Variants in NIF3L1 observed in about 807,000 individuals in gnomAD.
NIF3L1 encodes NGG1 interacting factor 3 like 1.
Under a neutral mutation model 35.0 loss-of-function variants are expected in NIF3L1, and 26 were observed. That is an observed-to-expected ratio of 0.74 (90% CI 0.54 to 1.03). The LOEUF is 1.03. NIF3L1 is among the 50% of genes least tolerant of loss of function. The probability of loss-of-function intolerance (pLI) is 0.00; values close to 1 mark genes in which losing one functional copy is unlikely to be tolerated. For synonymous variants in NIF3L1, 157 were observed against 178.9 expected, an observed-to-expected ratio of 0.88 and a Z score of 0.98; for missense variants, 449 against 466.3, an observed-to-expected ratio of 0.96 and a Z score of 0.34.
rs1157575276 is a variant in NIF3L1 at position 200,897,154 on chromosome 2, A to G, written c.805A>G (p.Ile269Val). ...SVSLATMIDRIKRHLKLSHIR... is the reference protein window; with the variant it reads ...SVSLATMIDRVKRHLKLSHIR... ...CTCCCTGGCAACCATGATTGATCGA[A>G]TAAAAAGACACCTAAAACTATCTCA... The change falls in exon 5 of 7, where the codon ATA becomes GTA. Residue 269 changes from isoleucine (I) to valine (V), a missense_variant. By Grantham distance (29) the Ile-to-Val change is conservative. Coordinates refer to ENST00000409020, the MANE Select transcript of NIF3L1 (RefSeq NM_001369441.2). 6.2e-7 allele frequency: 1 copy of G among 1,614,080 alleles called. No homozygotes were observed. The highest frequency in any genetic ancestry group is 1.3e-5 in the African/African-American group (1 of 75,024).
rs747620131 is a variant in NIF3L1, at chr2:200,891,993, A to T, written c.50A>T (p.Asp17Val). Residue 17 changes from aspartate (D) to valine (V), a missense_variant, in exon 2 of 7, where the codon GAT (aspartate) becomes GTT (valine). Asp to Val is a radical substitution (Grantham distance 152, BLOSUM62 -3). Coordinates refer to ENST00000409020, the MANE Select transcript of NIF3L1 (RefSeq NM_001369441.2). The stretch of plus-strand genomic sequence containing the variant: ...GTCCCCACGACAGTCCGGTTTGTAG[A>T]TTCCCTGATCTGCAATTCTTCCCGT... ...RPVPTTVRFV[D>V]SLICNSSRSF... 6.2e-7 allele frequency: 1 copy of T among 1,614,112 alleles called. No homozygotes were observed. Among genetic ancestry groups the T allele is most frequent in the Non-Finnish European group, 8.5e-7 (1 of 1,180,006 alleles).
rs757379692 is a variant in NIF3L1, at chr2:200,903,761, T to A, written c.*83T>A. ...GTAACATGAGTCAGTGGGACTGGTGTGCTTCCAGAGAGTGTCTTCGAGGGT... is the reference window on the plus strand; with the variant it reads ...GTAACATGAGTCAGTGGGACTGGTGAGCTTCCAGAGAGTGTCTTCGAGGGT... On this transcript the variant is annotated 3_prime_UTR_variant, in exon 7 of 7. Transcript: ENST00000409020. The A allele has an allele frequency of 2.7e-5, 30 of 1,109,224 alleles. No individual in the cohort carries two copies. Among genetic ancestry groups the A allele is most frequent in the Non-Finnish European group, 9.7e-6 (7 of 721,396 alleles). The allele number at this position is 1,109,224 out of a possible 1,614,324, so 68.7% of individuals were successfully genotyped here. A position where few individuals can be genotyped will look rare whatever the true frequency, so the allele number is the denominator to read the frequency against.
At chr2:200,900,385 C>T (rs2040393948) in intron 6 of NIF3L1, among the ~76,000 whole-genome samples, 1 of 152,180 alleles carries the variant, frequency 6.6e-6, no homozygotes, top group Admixed American at 6.6e-5. Context: ...TTGTTTACCT[C>T]CTCCTTCTTA....
chr2:200,899,541 T>C (rs2040378387), intron 6 of NIF3L1, 73 bp downstream of exon 6: 1 of 1,004,032 alleles, frequency 1.0e-6, no homozygotes, highest in East Asian at 2.4e-5. Context: ...GGACAGTACC[T>C]GGCACATAGA....
In NIF3L1 at chr2:200,903,886, A is replaced by G. The variant is rs1012087482; in HGVS notation, c.*208A>G. 1 of 574,176 alleles carries G rather than the reference A, an allele frequency of 1.7e-6. No homozygotes were observed. Among genetic ancestry groups the G allele is most frequent in the African/African-American group, 1.9e-5 (1 of 53,344 alleles). 35.6% of individuals were successfully genotyped at this position (574,176 alleles called of 1,614,324 possible). ...CCATATTAAATAACAAATGTTCATT[A>G]TAAACTCTAGGAAAGATTGAATAAA... is the stretch of plus-strand genomic sequence containing the variant. On this transcript the variant is annotated 3_prime_UTR_variant, in exon 7 of 7. Coordinates refer to ENST00000409020, the MANE Select transcript of NIF3L1 (RefSeq NM_001369441.2).
At chr2:200,902,274 T>C (rs1225608575) in intron 6 of NIF3L1, among the ~76,000 whole-genome samples, 1 of 152,162 alleles carries the variant, frequency 6.6e-6, no homozygotes, top group African/African-American at 2.4e-5. Flanking sequence ...TTTTAAGAAA[T>C]TCAGAATATT....
Position 200,897,121 on chromosome 2 carries a change from G to A in NIF3L1, c.772G>A (p.Glu258Lys). The part of the protein sequence containing the change: ...TGMGRLCTLD[E>K]SVSLATMIDR... ...AATGGGACGGTTATGCACACTGGAT[G>A]AATCTGTCTCCCTGGCAACCATGAT... Residue 258 changes from glutamate to lysine, a missense_variant, in exon 5 of 7, where the codon GAA becomes AAA. By Grantham distance (56) the Glu-to-Lys change is moderately conservative. Transcript: ENST00000409020. The A allele has an allele frequency of 6.2e-7, 1 of 1,613,980 alleles. No homozygotes were observed. The highest frequency in any genetic ancestry group is 1.3e-5 in the African/African-American group (1 of 75,012).
In NIF3L1 at chr2:200,895,296, T is replaced by G; in HGVS notation, c.632T>G (p.Leu211Arg). The G allele has an allele frequency of 6.2e-7, 1 of 1,614,064 alleles. No homozygotes were observed. Among genetic ancestry groups the G allele is most frequent in the Non-Finnish European group, 8.5e-7 (1 of 1,179,928 alleles). ...TGNEEQTRINLNCTQKALMQV... is the reference protein window; with the variant it reads ...TGNEEQTRINRNCTQKALMQV... ...AATGAGGAACAAACACGGATTAATC[T>G]GAATTGTACTCAGAAGGCTTTGATG... The change falls in exon 4 of 7, where the codon CTG becomes CGG. Residue 211 changes from leucine to arginine, a missense_variant. Leu to Arg is a moderately radical substitution (Grantham distance 102, BLOSUM62 -2). Transcript: ENST00000409020.
intron 6 of NIF3L1, among the ~76,000 whole-genome samples, chr2:200,902,093 A>C (rs757257013): frequency 3.3e-5 from 5 of 152,202 alleles, no homozygotes; most frequent in Non-Finnish European, 7.3e-5. Context: ...GTGTTTTCTT[A>C]TGGGAAAATT....
rs1431143264 is a variant in NIF3L1, at chr2:200,899,427, G to C, written c.908G>C (p.Ser303Thr). Residue 303 changes from serine (S) to threonine (T), a missense_variant, in exon 6 of 7, where the codon AGC becomes ACC. Physicochemically the swap from Ser to Thr is moderately conservative, Grantham distance 58 (BLOSUM62 1). Transcript: ENST00000409020. ...KVVALCAGSG[S>T]SVLQGVEADL... ...GTGGCCCTGTGTGCTGGTTCTGGGAGCAGCGTTCTGCAGGGTGTTGAGGCT... is the reference window on the plus strand; with the variant it reads ...GTGGCCCTGTGTGCTGGTTCTGGGACCAGCGTTCTGCAGGGTGTTGAGGCT... 1.9e-6 allele frequency: 3 copies of C among 1,614,096 alleles called. No individual in the cohort carries two copies. Among genetic ancestry groups the C allele is most frequent in the Non-Finnish European group, 2.5e-6 (3 of 1,180,004 alleles).
intron 3 of NIF3L1, among the ~76,000 whole-genome samples, chr2:200,894,172 T>A (rs1285392842): frequency 1.2e-4 from 15 of 121,324 alleles, no homozygotes; most frequent in Admixed American, 2.5e-4. Flanking sequence ...AGACTCTGTC[T>A]CAAAAAAAAA....
chr2:200,900,206 A>T (rs1242822216), intron 6 of NIF3L1, among the ~76,000 whole-genome samples: 1 of 152,100 alleles, frequency 6.6e-6, no homozygotes, highest in Non-Finnish European at 1.5e-5. Context: ...GTTGGATAGT[A>T]ATTGTCTGGC....
chr2:200,894,571 A>C (rs2040265310), intron 3 of NIF3L1, among the ~76,000 whole-genome samples: 2 of 151,148 alleles, frequency 1.3e-5, no homozygotes, highest in African/African-American at 4.9e-5. Flanking sequence ...CGCCCGGCTA[A>C]TTTTTTTTGT....
intron 6 of NIF3L1, among the ~76,000 whole-genome samples, chr2:200,902,275 T>C (rs2040420093): frequency 6.6e-6 from 1 of 152,142 alleles, no homozygotes; most frequent in Non-Finnish European, 1.5e-5. Flanking sequence ...TTTAAGAAAT[T>C]CAGAATATTA....
Position 200,889,396 on chromosome 2 carries a change from G to T in NIF3L1, c.-283G>T. ...GCAGAGAAGTTTCCGGGACTGGTGA[G>T]TAGTGGGCGATTTAAAAACCCGCGA... is the stretch of plus-strand genomic sequence containing the variant. On this transcript the variant is annotated 5_prime_UTR_variant, in exon 1 of 7. Transcript: ENST00000409020. The T allele has an allele frequency of 3.9e-6, 1 of 255,604 alleles. No individual in the cohort carries two copies. The highest frequency in any genetic ancestry group is 7.9e-6 in the Non-Finnish European group (1 of 126,238). The allele number at this position is 255,604 out of a possible 1,614,324, so 15.8% of individuals were successfully genotyped here.
chr2:200,892,162 G>A lies in NIF3L1; in HGVS notation c.219G>A (p.Leu73=). The A allele has an allele frequency of 1.2e-6, 2 of 1,614,184 alleles. No homozygotes were observed. The highest frequency in any genetic ancestry group is 1.7e-6 in the Non-Finnish European group (2 of 1,180,036). Residue 73 remains leucine (L), a synonymous_variant, in exon 2 of 7, where the codon CTG becomes CTA. Coordinates refer to ENST00000409020, the MANE Select transcript of NIF3L1 (RefSeq NM_001369441.2). The part of the protein sequence containing the change: ...TVNTLFLTND[L]TEEVMEEVLQ... ...ATACACTCTTCCTGACCAATGACCT[G>A]ACTGAGGAAGTGATGGAGGAGGTGC...
At chr2:200,891,693 C>T in intron 1 of NIF3L1, 1 of 526,228 alleles carries the variant, frequency 1.9e-6, no homozygotes, top group Non-Finnish European at 3.4e-6. Context: ...ATTAGCTCCT[C>T]TGGATGGCCT....
rs1481878116 is a variant in NIF3L1, at chr2:200,890,616, T to C, written c.-27+964T>C. ...TTTAAGAATGGGGTTGACAGCATTA[T>C]CTTTTGTGGTTATTTGATTAAACAT... On this transcript the variant is annotated intron_variant, in intron 1 of 6. Coordinates refer to ENST00000409020, the MANE Select transcript of NIF3L1 (RefSeq NM_001369441.2). 4.6e-5 allele frequency: 7 copies of C among 152,252 alleles called. No individual in the cohort carries two copies. In the East Asian group the frequency reaches 1.3e-3, roughly 29 times the overall value. The allele number at this position is 152,252 out of a possible 1,614,324, so 9.4% of individuals were successfully genotyped here.
rs200119994 is a variant in NIF3L1 at position 200,895,249 on chromosome 2, A to AT, written c.600-10dup. ...GGCTATATTTGTCCTAAATGGAGTG[A>AT]TTTTTCCCCCCTAGGACTGGTAATG... On this transcript the variant is annotated splice_polypyrimidine_tract_variant and intron_variant, in intron 3 of 6. Coordinates refer to ENST00000409020, the MANE Select transcript of NIF3L1 (RefSeq NM_001369441.2). 107 of 1,612,046 alleles carry AT rather than the reference A, an allele frequency of 6.6e-5. 1 individual carries two copies. The South Asian group carries it at 7.0e-4, about 11-fold the overall frequency.
Sources: gnomAD v4.1 joint callset for allele counts (sites outside exome capture counted in the v4.1 genomes callset) on GRCh38, gnomAD v4.1.1 for gene constraint, MANE v1.5 for transcripts, NCBI Gene and HGNC (gene_info 2026-07-23, HGNC 2026-07-21) for gene names.